SCFD2: variants seen among roughly 807,000 people sequenced by gnomAD.
SCFD2 encodes the protein sec1 family domain-containing protein 2.
Under a neutral mutation model 58.9 loss-of-function variants are expected in SCFD2, and 54 were observed. That is an observed-to-expected ratio of 0.92 (90% CI 0.74 to 1.15). SCFD2 has a LOEUF of 1.15. Among genes scored for constraint, SCFD2 ranks in the 50% most tolerant of loss-of-function variants. The pLI is 0.00. For synonymous variants in SCFD2, 321 were observed against 335.9 expected, an observed-to-expected ratio of 0.96 and a Z score of 0.49; for missense variants, 805 against 836.6, an observed-to-expected ratio of 0.96 and a Z score of 0.47.
At chr4:53,357,940 CAT>C (rs1439985235) in intron 1 of SCFD2, among the ~76,000 whole-genome samples, 6 of 152,194 alleles carry the variant, frequency 3.9e-5, no homozygotes, top group Admixed American at 2.0e-4. Context: ...CCACTTAACA[CAT>C]GTGTAATCTG....
intron 4 of SCFD2, among the ~76,000 whole-genome samples, chr4:53,228,880 C>T (rs1201491186): frequency 6.6e-6 from 1 of 152,222 alleles, no homozygotes; most frequent in Admixed American, 6.5e-5. Flanking sequence ...CCCATCATCT[C>T]AGCCCAAAAT....
intron 5 of SCFD2, among the ~76,000 whole-genome samples, chr4:52,936,448 AG>A (rs1199495701): frequency 6.6e-6 from 1 of 152,220 alleles, no homozygotes; most frequent in African/African-American, 2.4e-5. Flanking sequence ...ATATGGGGTC[AG>A]GTACATATAT....
chr4:52,895,915 G>A (rs1380141635), intron 7 of SCFD2, among the ~76,000 whole-genome samples: 12 of 152,114 alleles, frequency 7.9e-5, no homozygotes, highest in Non-Finnish European at 1.5e-5. Flanking sequence ...ATGGCCAGTG[G>A]TGATGAGCAT....
intron 7 of SCFD2, among the ~76,000 whole-genome samples, chr4:52,900,439 G>T (rs1719159088): frequency 6.6e-6 from 1 of 152,208 alleles, no homozygotes; most frequent in African/African-American, 2.4e-5. Flanking sequence ...ATGAGCAGCG[G>T]TGGCTGCAGA....
intron 5 of SCFD2, among the ~76,000 whole-genome samples, chr4:53,088,586 A>G (rs1343725010): frequency 1.3e-5 from 2 of 152,164 alleles, no homozygotes; most frequent in Non-Finnish European, 2.9e-5. Context: ...TGTCTATTCT[A>G]TCCCTGTCCC....
chr4:53,280,637 T>G (rs1731481155), intron 3 of SCFD2, among the ~76,000 whole-genome samples: 1 of 152,188 alleles, frequency 6.6e-6, no homozygotes. Flanking sequence ...ATTCATTCAA[T>G]TCTGCAAAGA....
At chr4:53,301,624 C>T (rs553456399) in intron 3 of SCFD2, among the ~76,000 whole-genome samples, 1 of 152,124 alleles carries the variant, frequency 6.6e-6, no homozygotes, top group African/African-American at 2.4e-5. Context: ...ATCCTAATAC[C>T]AAAGCCTGGC....
chr4:53,259,350 A>G (rs1730756653), intron 4 of SCFD2, among the ~76,000 whole-genome samples: 1 of 152,236 alleles, frequency 6.6e-6, no homozygotes, highest in Non-Finnish European at 1.5e-5. Context: ...TTATGGTTTC[A>G]GGTCATAGAT....
chr4:53,103,615 T>C (rs1368363534), intron 5 of SCFD2, among the ~76,000 whole-genome samples: 1 of 148,708 alleles, frequency 6.7e-6, no homozygotes, highest in African/African-American at 2.4e-5. Flanking sequence ...AACAATGACA[T>C]TCCAGTAGCA....
intron 4 of SCFD2, among the ~76,000 whole-genome samples, chr4:53,261,200 T>G (rs1479638218): frequency 6.6e-6 from 1 of 152,158 alleles, no homozygotes; most frequent in African/African-American, 2.4e-5. Context: ...TTTTGTATTT[T>G]TGTTTGTTTG....
chr4:53,346,362 C>A (rs1292026645), intron 2 of SCFD2, among the ~76,000 whole-genome samples: 1 of 150,766 alleles, frequency 6.6e-6, no homozygotes, highest in Non-Finnish European at 1.5e-5. Flanking sequence ...GCAACCTCTG[C>A]CTCCTGGGTT....
chr4:52,911,144 G>A (rs1477480213), intron 6 of SCFD2, among the ~76,000 whole-genome samples: 1 of 152,190 alleles, frequency 6.6e-6, no homozygotes. Flanking sequence ...CAGCACAAAG[G>A]TGGCTCTGTA....
intron 3 of SCFD2, among the ~76,000 whole-genome samples, chr4:53,306,617 G>T (rs1732522065): frequency 1.3e-5 from 2 of 152,050 alleles, no homozygotes; most frequent in Non-Finnish European, 2.9e-5. Flanking sequence ...CAAGCACTAA[G>T]CCACCCACTG....
At chr4:53,288,977 C>G (rs553977796) in intron 3 of SCFD2, among the ~76,000 whole-genome samples, 2 of 152,146 alleles carry the variant, frequency 1.3e-5, no homozygotes, top group Non-Finnish European at 2.9e-5. Context: ...TTAAAAGATG[C>G]AAATTCTGAC....
At position 52,873,770 on chromosome 4, in the gene SCFD2, CTT is replaced by C. The variant is rs74931823; in HGVS notation, c.*197_*198del. The C allele has an allele frequency of 0.011, 3,569 of 326,308 alleles. No homozygotes were observed. The highest frequency in any genetic ancestry group is 0.016 in the Middle Eastern group (19 of 1,168). The allele number at this position is 326,308 out of a possible 1,614,324, so 20.2% of individuals were successfully genotyped here. A position where few individuals can be genotyped will look rare whatever the true frequency, so the allele number is the denominator to read the frequency against. ...TGTCGCCTTCAGGAAAATAAAAAAA[CTT>C]TTTTTTTTTTTTTTTAAGAATCACA... On this transcript the variant is annotated 3_prime_UTR_variant, in exon 9 of 9. Transcript: ENST00000401642.
At chr4:53,300,177 C>T (rs558568561) in intron 3 of SCFD2, among the ~76,000 whole-genome samples, 1 of 152,088 alleles carries the variant, frequency 6.6e-6, no homozygotes, top group Non-Finnish European at 1.5e-5. Flanking sequence ...AGTCAAGACC[C>T]ATCAGTATGC....
chr4:53,244,829 A>AAT (rs1553890833), intron 4 of SCFD2, among the ~76,000 whole-genome samples: 14 of 150,348 alleles, frequency 9.3e-5, no homozygotes, highest in Non-Finnish European at 1.8e-4. Context: ...TGAAAAAAAA[A>AAT]AATAATAATA....
chr4:53,358,557 A>G (rs1320654270), intron 1 of SCFD2, among the ~76,000 whole-genome samples: 59 of 130,006 alleles, frequency 4.5e-4, no homozygotes, highest in Non-Finnish European at 6.5e-4. Context: ...TGTCTCAGGG[A>G]AAAAAAAAAA....
intron 5 of SCFD2, among the ~76,000 whole-genome samples, chr4:53,098,751 TAC>T (rs369780546): frequency 1.6e-3 from 243 of 152,112 alleles, no homozygotes; most frequent in African/African-American, 5.5e-3. Flanking sequence ...TGCACACACA[TAC>T]ACACACACTC....
Sources: gnomAD v4.1 joint callset for allele counts (sites outside exome capture counted in the v4.1 genomes callset) on GRCh38, gnomAD v4.1.1 for gene constraint, MANE v1.5 for transcripts, NCBI Gene and HGNC (gene_info 2026-07-23, HGNC 2026-07-21) for gene names.